Variants in DENND2B observed in about 807,000 individuals in gnomAD.
The protein encoded by DENND2B is DENN domain-containing protein 2B.
Under a neutral mutation model 116.0 loss-of-function variants are expected in DENND2B, and 32 were observed. That is an observed-to-expected ratio of 0.28 (90% CI 0.21 to 0.37). DENND2B has a LOEUF of 0.37. Ranked by LOEUF, DENND2B falls within the 10% of genes least tolerant of loss-of-function variation. The pLI is 1.00. For synonymous variants in DENND2B, 588 were observed against 583.9 expected, an observed-to-expected ratio of 1.01 and a Z score of -0.10; for missense variants, 1,276 against 1,477.7, an observed-to-expected ratio of 0.86 and a Z score of 2.24.
chr11:8,863,479 C>G (rs551363381), intron 2 of DENND2B, among the ~76,000 whole-genome samples: 6 of 152,078 alleles, frequency 3.9e-5, no homozygotes, highest in African/African-American at 1.4e-4. Flanking sequence ...GAGATCCGCT[C>G]GCCTCGGCCT....
upstream of DENND2B, among the ~76,000 whole-genome samples, chr11:8,873,693 T>C (rs140003240): frequency 1.8e-4 from 27 of 152,366 alleles, no homozygotes; most frequent in East Asian, 5.2e-3. Context: ...CAACCTAGCC[T>C]GTCTTGCTAA....
upstream of DENND2B, among the ~76,000 whole-genome samples, chr11:8,874,858 C>G (rs1566076984): frequency 6.6e-6 from 1 of 152,048 alleles, no homozygotes; most frequent in Non-Finnish European, 1.5e-5. Flanking sequence ...CCAGGAGGTC[C>G]TGGCTCCAGT....
intron 4 of DENND2B, among the ~76,000 whole-genome samples, chr11:8,838,505 C>A (rs2062513619): frequency 6.6e-6 from 1 of 152,164 alleles, no homozygotes; most frequent in African/African-American, 2.4e-5. Flanking sequence ...TCTTTTTAAG[C>A]AAAACAACAC....
At chr11:8,803,303 A>G (rs949089976) in intron 1 of DENND2B, among the ~76,000 whole-genome samples, 1 of 152,136 alleles carries the variant, frequency 6.6e-6, no homozygotes, top group Admixed American at 6.5e-5. Flanking sequence ...GAGAATCGCT[A>G]GAACCCGGGA....
Position 8,905,943 on chromosome 11 carries a change from C to T in DENND2B, c.-256+4878G>A, listed in dbSNP as rs2064230458. Among the ~76,000 whole-genome samples, 4 of 151,622 alleles carry T rather than the reference C, an allele frequency of 2.6e-5. No individual in the cohort carries two copies. The South Asian group carries it at 8.3e-4, about 32-fold the overall frequency. ...AAAAAAGGTCACATATTATCAGATT[C>T]CATCTATATGAATTGTCCAGAAAAG... On this transcript the variant is annotated intron_variant, in intron 1 of 22. Transcript: ENST00000534127.
At position 8,729,934 on chromosome 11, in the gene DENND2B, G is replaced by C. The variant is rs1372921233; in HGVS notation, c.1340+16C>G. 6.2e-7 allele frequency: 1 copy of C among 1,612,562 alleles called. No homozygotes were observed. Among genetic ancestry groups the C allele is most frequent in the African/African-American group, 1.3e-5 (1 of 74,910 alleles). On this transcript the variant is annotated intron_variant, in intron 3 of 19. Transcript: ENST00000313726. ...CACGGTATTCAGCTACAACACACCG[G>C]AGGGGCATGCATTACCTGCTCTGGG...
chr11:8,894,753 G>T (rs538592320), intron 1 of DENND2B, among the ~76,000 whole-genome samples: 1 of 152,190 alleles, frequency 6.6e-6, no homozygotes, highest in East Asian at 1.9e-4. Context: ...GAAACAACAG[G>T]TGCTGGAGAG....
intron 1 of DENND2B, among the ~76,000 whole-genome samples, chr11:8,886,996 T>G (rs61876219): frequency 0.012 from 1,834 of 152,144 alleles, 15 homozygotes; most frequent in Middle Eastern, 0.048. Context: ...ACCCGGCTAA[T>G]TTTGTATTTT....
chr11:8,741,133 C>A (rs1029868421), intron 2 of DENND2B, among the ~76,000 whole-genome samples: 1 of 152,230 alleles, frequency 6.6e-6, no homozygotes, highest in African/African-American at 2.4e-5. Flanking sequence ...GGGGCTATAT[C>A]TAGGCCACCA....
At chr11:8,872,210 G>A (rs1218793682), upstream of DENND2B, among the ~76,000 whole-genome samples, 3 of 152,114 alleles carry the variant, frequency 2.0e-5, no homozygotes, top group Admixed American at 6.5e-5. Context: ...TCCTGAGGCC[G>A]GGCGCGGTGG....
rs1286052768 is a variant in DENND2B at position 8,712,536 on chromosome 11, G to A, written c.2172+15C>T. The stretch of plus-strand genomic sequence containing the variant: ...AGGGGGAATATGGGCAAGGTGGGGA[G>A]AGAGAAGGCCTCACCTTGGGAAACT... On this transcript the variant is annotated intron_variant, in intron 9 of 19. Coordinates refer to ENST00000313726, the MANE Select transcript of DENND2B (RefSeq NM_213618.2). This position sits in a 1 kb window ranked among gnomAD's most constrained non-coding sequence, Gnocchi z 4.4. 8.4e-6 allele frequency: 13 copies of A among 1,548,034 alleles called. No homozygotes were observed. In the South Asian group the frequency reaches 1.3e-4, roughly 16 times the overall value.
At chr11:8,729,679 C>T (rs2047752713) in intron 3 of DENND2B, among the ~76,000 whole-genome samples, 1 of 152,206 alleles carries the variant, frequency 6.6e-6, no homozygotes, top group South Asian at 2.1e-4. Flanking sequence ...CAGCCCAGCT[C>T]TACCCCAAAG....
intron 1 of DENND2B, among the ~76,000 whole-genome samples, chr11:8,774,833 G>A (rs1389095771): frequency 1.3e-5 from 2 of 151,732 alleles, no homozygotes; most frequent in Non-Finnish European, 2.9e-5. Flanking sequence ...GGCAGTCTAG[G>A]AACCCTATCT....
At chr11:8,725,148 C>A (rs1431976422) in intron 4 of DENND2B, among the ~76,000 whole-genome samples, 1 of 152,160 alleles carries the variant, frequency 6.6e-6, no homozygotes, top group East Asian at 1.9e-4. Flanking sequence ...TTTCTGTCCC[C>A]CAAAATTCCT....
chr11:8,776,438 A>C (rs1225324494), intron 1 of DENND2B: 1 of 362,164 alleles, frequency 2.8e-6, no homozygotes, highest in Non-Finnish European at 5.4e-6. Flanking sequence ...CTGAGGACAC[A>C]GGAAGGAAAA....
At chr11:8,720,549 A>G (rs957711290) in intron 4 of DENND2B, among the ~76,000 whole-genome samples, 8 of 152,214 alleles carry the variant, frequency 5.3e-5, no homozygotes, top group African/African-American at 1.9e-4. Context: ...ATCCTGTCTA[A>G]TGTAACAAAG....
Position 8,750,624 on chromosome 11 carries a change from C to G in DENND2B, c.77G>C (p.Ser26Thr). 4 of 1,614,128 alleles carry G rather than the reference C, an allele frequency of 2.5e-6. No individual in the cohort carries two copies. The highest frequency in any genetic ancestry group is 3.4e-6 in the Non-Finnish European group (4 of 1,180,004). The change falls in exon 2 of 20, where the codon AGC (serine) becomes ACC (threonine). Residue 26 changes from serine (S) to threonine (T), a missense_variant. By Grantham distance (58) the Ser-to-Thr change is moderately conservative (BLOSUM62 1). Transcript: ENST00000313726. ...CCACAAGTGCTCCCTTACCCACCTG[C>G]TCAGAGTCCCCCGAGGGGCTTTAGT... Reference protein sequence around the residue: ...GGTKAPRGTLSRSQSVSPPPV... With the variant: ...GGTKAPRGTLTRSQSVSPPPV...
At chr11:8,908,466 C>T (rs1589899778) in intron 1 of DENND2B, among the ~76,000 whole-genome samples, 1 of 152,196 alleles carries the variant, frequency 6.6e-6, no homozygotes, top group African/African-American at 2.4e-5. Context: ...GTACCAAGTA[C>T]TATAAATGCA....
chr11:8,797,683 C>A (rs2059954417), intron 1 of DENND2B, among the ~76,000 whole-genome samples: 1 of 151,982 alleles, frequency 6.6e-6, no homozygotes, highest in Non-Finnish European at 1.5e-5. Flanking sequence ...CTCTTGGGTT[C>A]CAGCGATCCT....
Sources: allele counts gnomAD v4.1 joint callset (sites outside exome capture counted in the v4.1 genomes callset), GRCh38; gene constraint gnomAD v4.1.1; non-coding constraint Gnocchi (gnomAD v3.1); transcripts MANE v1.5; gene names NCBI Gene and HGNC (gene_info 2026-07-23, HGNC 2026-07-21).